The following PDE10A variants were observed in gnomAD, a reference collection of about 807,000 sequenced individuals.
PDE10A encodes phosphodiesterase 10A.
Under a neutral mutation model 97.7 loss-of-function variants are expected in PDE10A, and 39 were observed. That is an observed-to-expected ratio of 0.40 (90% CI 0.31 to 0.52). PDE10A has a LOEUF of 0.52. Ranked by LOEUF, PDE10A falls within the 20% of genes least tolerant of loss-of-function variation. The probability of loss-of-function intolerance (pLI) is 0.56; values close to 1 mark genes in which losing one functional copy is unlikely to be tolerated. For missense variants in PDE10A, 731 were observed against 1,047.8 expected (o/e 0.70, Z 4.17); for synonymous variants, 371 against 376.8 (o/e 0.98, Z 0.18).
At chr6:165,841,512 G>A (rs1413784695) in intron 1 of PDE10A, among the ~76,000 whole-genome samples, 3 of 152,234 alleles carry the variant, frequency 2.0e-5, no homozygotes, top group South Asian at 2.1e-4. Context: ...GGCGCTTAAC[G>A]TTAGCTCCAG....
intron 13 of PDE10A, among the ~76,000 whole-genome samples, chr6:165,406,544 T>A (rs1332035427): frequency 6.6e-6 from 1 of 152,148 alleles, no homozygotes; most frequent in Non-Finnish European, 1.5e-5. Flanking sequence ...ACTTTATCGA[T>A]GAAGTTTTGG....
chr6:165,925,467 A>AC (rs1782904499), intron 1 of PDE10A, among the ~76,000 whole-genome samples: 1 of 152,146 alleles, frequency 6.6e-6, no homozygotes, highest in African/African-American at 2.4e-5. Context: ...TCTTGTAATA[A>AC]TAAAAAAACA....
At chr6:165,443,583 A>G (rs1490771181) in intron 5 of PDE10A, among the ~76,000 whole-genome samples, 1 of 152,224 alleles carries the variant, frequency 6.6e-6, no homozygotes, top group African/African-American at 2.4e-5. Context: ...TCCACTAGAC[A>G]GTACCCCAGT....
intron 2 of PDE10A, among the ~76,000 whole-genome samples, chr6:165,502,495 T>A (rs1780948144): frequency 6.6e-6 from 1 of 152,144 alleles, no homozygotes; most frequent in South Asian, 2.1e-4. Flanking sequence ...AATGAAAAAC[T>A]CATTAAAACG....
chr6:165,398,478 A>ACTCT (rs61614769), intron 13 of PDE10A, among the ~76,000 whole-genome samples: 82 of 139,288 alleles, frequency 5.9e-4, no homozygotes, highest in African/African-American at 1.8e-3. Flanking sequence ...ATAGAGCAAG[A>ACTCT]CTCTCTCTCT....
At chr6:165,839,869 C>CATCTCCAACCTCATCTCCATTCTTAT (rs1780181067) in intron 1 of PDE10A, among the ~76,000 whole-genome samples, 2 of 4,184 alleles carry the variant, frequency 4.8e-4, no homozygotes, top group Admixed American at 2.3e-3. Context: ...GTCTCCATTC[C>CATCTCCAACCTCATCTCCATTCTTAT]CATCTGCACC....
At chr6:165,629,073 G>A (rs889543870) in intron 1 of PDE10A, among the ~76,000 whole-genome samples, 5 of 151,810 alleles carry the variant, frequency 3.3e-5, no homozygotes, top group Non-Finnish European at 5.9e-5. Context: ...TTTGATGTGC[G>A]AGTGGGTAGA....
chr6:165,961,472 C>G (rs944901871), intron 1 of PDE10A, among the ~76,000 whole-genome samples: 1 of 152,222 alleles, frequency 6.6e-6, no homozygotes, highest in South Asian at 2.1e-4. Flanking sequence ...GCATCATAGA[C>G]AGTGGATGCG....
intron 1 of PDE10A, among the ~76,000 whole-genome samples, chr6:165,776,834 A>G (rs1368362183): frequency 2.0e-5 from 3 of 152,192 alleles, no homozygotes; most frequent in Non-Finnish European, 4.4e-5. Flanking sequence ...AGATGGTGCA[A>G]CTGAGGCCAG....
chr6:165,528,868 G>A (rs1286350968), intron 2 of PDE10A, among the ~76,000 whole-genome samples: 1 of 152,140 alleles, frequency 6.6e-6, no homozygotes, highest in Non-Finnish European at 1.5e-5. Flanking sequence ...GCAGGGCTGG[G>A]GCAAAGTTCT....
At chr6:165,977,157 AC>A (rs1409807324) in intron 1 of PDE10A, among the ~76,000 whole-genome samples, 1 of 152,204 alleles carries the variant, frequency 6.6e-6, no homozygotes, top group African/African-American at 2.4e-5. Flanking sequence ...CCCAAATAAG[AC>A]CAGCAAGTGG....
intron 1 of PDE10A, among the ~76,000 whole-genome samples, chr6:165,726,385 T>A (rs1792294590): frequency 6.6e-6 from 1 of 152,210 alleles, no homozygotes; most frequent in African/African-American, 2.4e-5. Flanking sequence ...AGAATTATCC[T>A]CAACATTTAT....
intron 1 of PDE10A, among the ~76,000 whole-genome samples, chr6:165,649,953 A>G (rs73786701): frequency 3.5e-4 from 53 of 152,368 alleles, no homozygotes; most frequent in African/African-American, 1.2e-3. Flanking sequence ...AATAGAAGTG[A>G]TGCTTTCCAC....
At chr6:165,647,179 T>C (rs969854928) in intron 1 of PDE10A, among the ~76,000 whole-genome samples, 5 of 152,082 alleles carry the variant, frequency 3.3e-5, no homozygotes, top group African/African-American at 1.2e-4. Context: ...TCTACAAAAG[T>C]CTAGAGTAAA....
chr6:165,404,174 C>A (rs749739732), intron 13 of PDE10A, among the ~76,000 whole-genome samples: 9 of 152,238 alleles, frequency 5.9e-5, no homozygotes, highest in Non-Finnish European at 1.2e-4. Context: ...TACATACTCC[C>A]AAAATATGTA....
At chr6:165,965,816 T>C (rs1784494402) in intron 1 of PDE10A, among the ~76,000 whole-genome samples, 1 of 152,238 alleles carries the variant, frequency 6.6e-6, no homozygotes, top group African/African-American at 2.4e-5. Flanking sequence ...TCTGCCTGAT[T>C]GCAGCCAACA....
intron 1 of PDE10A, among the ~76,000 whole-genome samples, chr6:165,641,734 TC>T (rs1789144486): frequency 6.6e-6 from 1 of 152,234 alleles, no homozygotes; most frequent in South Asian, 2.1e-4. Flanking sequence ...TCAAGTCTGT[TC>T]CTAGATGCCC....
At chr6:165,593,329 G>A (rs2128387097) in intron 1 of PDE10A, among the ~76,000 whole-genome samples, 1 of 152,222 alleles carries the variant, frequency 6.6e-6, no homozygotes, top group Admixed American at 6.5e-5. Context: ...ATAGCATTAG[G>A]AGAAATACCT....
At chr6:165,736,210 A>G (rs936244657) in intron 1 of PDE10A, among the ~76,000 whole-genome samples, 1 of 152,236 alleles carries the variant, frequency 6.6e-6, no homozygotes, top group Non-Finnish European at 1.5e-5. Flanking sequence ...AAGAAACTGT[A>G]AAAAGGGAAC....
Sources: allele counts gnomAD v4.1 joint callset (sites outside exome capture counted in the v4.1 genomes callset), GRCh38; gene constraint gnomAD v4.1.1; transcripts MANE v1.5; gene names NCBI Gene and HGNC (gene_info 2026-07-23, HGNC 2026-07-21).